The following PNPLA1 variants were observed in gnomAD, a reference collection of about 807,000 sequenced individuals.
PNPLA1 encodes omega-hydroxyceramide transacylase.
PNPLA1 carries 36 observed loss-of-function variants against 51.7 expected under a neutral mutation model. The ratio of observed to expected loss-of-function variants is 0.70; its 90% CI spans 0.53 to 0.92. The LOEUF (loss-of-function observed/expected upper bound fraction) is 0.92, where lower values mean the gene tolerates loss of function less well. Ranked by LOEUF, PNPLA1 falls within the 40% of genes least tolerant of loss-of-function variation. The pLI is 0.00. For missense variants in PNPLA1, 658 were observed against 682.5 expected, an observed-to-expected ratio of 0.96 and a Z score of 0.40; for synonymous variants, 293 against 280.1, an observed-to-expected ratio of 1.05 and a Z score of -0.46.
intron 1 of PNPLA1, among the ~76,000 whole-genome samples, chr6:36,262,358 G>GCAGCACA (rs1769670145): frequency 6.6e-6 from 1 of 151,954 alleles, no homozygotes; most frequent in Admixed American, 6.5e-5. Flanking sequence ...TACGCAGCAC[G>GCAGCACA]TGTAATGAAA....
chr6:36,263,811 C>T (rs1769704883), intron 1 of PNPLA1, among the ~76,000 whole-genome samples: 1 of 152,152 alleles, frequency 6.6e-6, no homozygotes, highest in Non-Finnish European at 1.5e-5. Context: ...ATGCTCTGAT[C>T]CACCCTCTCT....
In PNPLA1 at chr6:36,291,566, GCTGGGAGGGAGGGACACGGAGGGGGC is replaced by G; in HGVS notation, c.438+15_438+40del. The stretch of plus-strand genomic sequence containing the variant: ...GAGCTCATTGAGGCAAGGGGGCTGG[GCTGGGAGGGAGGGACACGGAGGGGGC>G]GGGGGAGGGCGGCTCCTGCTCTTTC... On this transcript the variant is annotated intron_variant, in intron 2 of 8. Coordinates refer to ENST00000636260, the MANE Select transcript of PNPLA1 (RefSeq NM_001374623.1). The G allele has an allele frequency of 8.2e-7, 1 of 1,226,758 alleles. No homozygotes were observed. The highest frequency in any genetic ancestry group is 1.3e-5 in the South Asian group (1 of 77,192). The allele number at this position is 1,226,758 out of a possible 1,614,324, so 76.0% of individuals were successfully genotyped here.
upstream of PNPLA1, among the ~76,000 whole-genome samples, chr6:36,269,501 T>A (rs1446598883): frequency 1.3e-5 from 2 of 152,120 alleles, no homozygotes; most frequent in African/African-American, 4.8e-5. Context: ...AACATTGCTA[T>A]CTCAAACTTC....
intron 1 of PNPLA1, among the ~76,000 whole-genome samples, chr6:36,259,140 C>G (rs1206818353): frequency 6.6e-6 from 1 of 152,112 alleles, no homozygotes; most frequent in Admixed American, 6.5e-5. Flanking sequence ...ACAGACCCTC[C>G]TAGTGACCAA....
intron 1 of PNPLA1, among the ~76,000 whole-genome samples, chr6:36,280,025 G>A (rs557386316): frequency 1.3e-5 from 2 of 152,064 alleles, no homozygotes; most frequent in South Asian, 4.2e-4. Flanking sequence ...GGCCAACACG[G>A]TGAAACCCTG....
At chr6:36,263,510 G>A (rs1230107715) in intron 1 of PNPLA1, among the ~76,000 whole-genome samples, 1 of 152,142 alleles carries the variant, frequency 6.6e-6, no homozygotes, top group Non-Finnish European at 1.5e-5. Flanking sequence ...CTGGCAAAAC[G>A]TTTTAAATCT....
chr6:36,291,607 C>A, intron 2 of PNPLA1, 55 bp downstream of exon 2: 1 of 1,347,764 alleles, frequency 7.4e-7, no homozygotes, highest in Non-Finnish European at 1.0e-6. Context: ...GAGGGCGGCT[C>A]CTGCTCTTTC....
At chr6:36,248,252 A>T (rs748673108) in intron 1 of PNPLA1, among the ~76,000 whole-genome samples, 2 of 152,232 alleles carry the variant, frequency 1.3e-5, no homozygotes, top group Non-Finnish European at 2.9e-5. Context: ...AGATATAAGG[A>T]TTCGACAAGG....
At chr6:36,291,576 AGGG>A in intron 2 of PNPLA1, 24 bp downstream of exon 2, 9 of 59,506 alleles carry the variant, frequency 1.5e-4, no homozygotes, top group Admixed American at 8.4e-4. Flanking sequence ...GCTGGGAGGG[AGGG>A]ACACGGAGGG....
chr6:36,292,420 C>G (rs116781497), intron 2 of PNPLA1, among the ~76,000 whole-genome samples: 2 of 152,114 alleles, frequency 1.3e-5, no homozygotes, highest in Non-Finnish European at 2.9e-5. Flanking sequence ...CCACCTTCCA[C>G]TCCTACCATG....
intron 1 of PNPLA1, among the ~76,000 whole-genome samples, chr6:36,250,851 A>T (rs1582023998): frequency 6.6e-6 from 1 of 152,138 alleles, no homozygotes; most frequent in Non-Finnish European, 1.5e-5. Flanking sequence ...TTACAGGCAT[A>T]CGCCACCACG....
chr6:36,253,473 A>G (rs999666269), intron 1 of PNPLA1, among the ~76,000 whole-genome samples: 2 of 152,182 alleles, frequency 1.3e-5, no homozygotes, highest in African/African-American at 4.8e-5. Context: ...CACAACTGTT[A>G]TAATTCTTGA....
rs899341442 is a variant in PNPLA1 at position 36,313,610 on chromosome 6, G to A, written c.*1724G>A. On this transcript the variant is annotated 3_prime_UTR_variant, in exon 9 of 9. Transcript: ENST00000636260. ...ACCCTGAAAATGGTCAAAGTCCCAGGGGTCTTGCATCCTCTGCCTACTCTG... is the reference window on the plus strand; with the variant it reads ...ACCCTGAAAATGGTCAAAGTCCCAGAGGTCTTGCATCCTCTGCCTACTCTG... Among the ~76,000 whole-genome samples the A allele has an allele frequency of 6.6e-6, 1 of 152,194 alleles. No individual in the cohort carries two copies. Among genetic ancestry groups the A allele is most frequent in the South Asian group, 2.1e-4 (1 of 4,832 alleles).
At chr6:36,297,079 G>A (rs1561867942) in intron 5 of PNPLA1, among the ~76,000 whole-genome samples, 1 of 152,076 alleles carries the variant, frequency 6.6e-6, no homozygotes, top group Non-Finnish European at 1.5e-5. Context: ...CCTACTGCTG[G>A]GTGAAATCTG....
Position 36,282,088 on chromosome 6 carries a change from AGAAG to A in PNPLA1, c.206-9184_206-9181del, listed in dbSNP as rs70975141. Among the ~76,000 whole-genome samples the A allele has an allele frequency of 5.1e-3, 508 of 98,750 alleles. 8 individuals are homozygous for A. The highest frequency in any genetic ancestry group is 6.7e-3 in the Non-Finnish European group (340 of 51,044). The allele number at this position is 98,750 out of a possible 152,430, so 64.8% of individuals were successfully genotyped here. On this transcript the variant is annotated intron_variant, in intron 1 of 8. Transcript: ENST00000636260. ...AAGAAAGAAAGAAAGAAAGAAAGAA[AGAAG>A]GAAGGAAGGAAGGAAGGAAGGAAGG...
At chr6:36,268,721 A>G (rs997936657), upstream of PNPLA1, among the ~76,000 whole-genome samples, 6 of 152,038 alleles carry the variant, frequency 3.9e-5, no homozygotes, top group Non-Finnish European at 7.4e-5. Flanking sequence ...CTTATTTCAC[A>G]TTTGCCTGTC....
At chr6:36,259,133 G>A (rs1181452233) in intron 1 of PNPLA1, among the ~76,000 whole-genome samples, 2 of 152,178 alleles carry the variant, frequency 1.3e-5, no homozygotes, top group Non-Finnish European at 2.9e-5. Context: ...TGCTGGAACA[G>A]ACCCTCCTAG....
At chr6:36,285,630 A>T (rs1770464584) in intron 1 of PNPLA1, among the ~76,000 whole-genome samples, 2 of 152,094 alleles carry the variant, frequency 1.3e-5, no homozygotes, top group Admixed American at 6.5e-5. Context: ...TCATTCATTC[A>T]TCCATTATTC....
Position 36,294,473 on chromosome 6 carries a change from G to A in PNPLA1, c.714+74G>A. ...GGGGTGGGGTTAGAGAGCCACTGGG[G>A]CCCACTCAAGTTCCATCTGAGTCTC... is the stretch of plus-strand genomic sequence containing the variant. On this transcript the variant is annotated intron_variant, in intron 4 of 8. Coordinates refer to ENST00000636260, the MANE Select transcript of PNPLA1 (RefSeq NM_001374623.1). This position sits in a 1 kb window ranked among gnomAD's most constrained non-coding sequence, Gnocchi z 4.2. The A allele has an allele frequency of 1.4e-6, 2 of 1,403,914 alleles. No homozygotes were observed. The highest frequency in any genetic ancestry group is 2.0e-6 in the Non-Finnish European group (2 of 1,005,640). 87.0% of individuals were successfully genotyped at this position (1,403,914 alleles called of 1,614,324 possible).
Sources: gnomAD v4.1 joint callset for allele counts (sites outside exome capture counted in the v4.1 genomes callset) on GRCh38, gnomAD v4.1.1 for gene constraint, Gnocchi (gnomAD v3.1) non-coding constraint, MANE v1.5 for transcripts, NCBI Gene and HGNC (gene_info 2026-07-23, HGNC 2026-07-21) for gene names.